Variants in THSD4 observed in about 807,000 individuals in gnomAD.
The protein encoded by THSD4 is thrombospondin type 1 domain containing 4.
In THSD4, 69 loss-of-function variants were observed where a neutral mutation model predicts 119.0. That is an observed-to-expected ratio of 0.58 (90% CI 0.48 to 0.71). The LOEUF (loss-of-function observed/expected upper bound fraction) is 0.71, where lower values mean the gene tolerates loss of function less well. THSD4 is among the 30% of genes least tolerant of loss of function. The pLI is 0.00. For missense variants in THSD4, 1,393 were observed against 1,391.1 expected (o/e 1.00, Z -0.02); for synonymous variants, 524 against 540.4 (o/e 0.97, Z 0.42).
At chr15:71,170,431 AAT>A (rs1260830993) in intron 3 of THSD4, among the ~76,000 whole-genome samples, 6 of 152,196 alleles carry the variant, frequency 3.9e-5, no homozygotes, top group Admixed American at 3.9e-4. Context: ...AAAAACTCAT[AAT>A]CCAGGAGGCA....
chr15:71,120,037 G>C (rs564633592), intron 1 of THSD4, among the ~76,000 whole-genome samples: 1 of 152,330 alleles, frequency 6.6e-6, no homozygotes, highest in Non-Finnish European at 1.5e-5. Context: ...CAGTGCTTGA[G>C]ACAATTGGAG....
intron 7 of THSD4, among the ~76,000 whole-genome samples, chr15:71,606,584 A>T (rs2050113887): frequency 6.6e-6 from 1 of 152,208 alleles, no homozygotes; most frequent in Non-Finnish European, 1.5e-5. Context: ...CTTGTTGCCC[A>T]GGCCAGAGTG....
chr15:71,240,595 G>A (rs936045645), intron 4 of THSD4, among the ~76,000 whole-genome samples: 2 of 152,040 alleles, frequency 1.3e-5, no homozygotes, highest in African/African-American at 2.4e-5. Context: ...TATTCCACAT[G>A]TCCATTTCTC....
At chr15:71,393,820 G>C (rs2046409257) in intron 6 of THSD4, among the ~76,000 whole-genome samples, 1 of 152,178 alleles carries the variant, frequency 6.6e-6, no homozygotes, top group South Asian at 2.1e-4. Context: ...GCCTTCCGGA[G>C]CCTCCTATTC....
At chr15:71,505,496 A>G (rs566524707) in intron 7 of THSD4, among the ~76,000 whole-genome samples, 2 of 152,388 alleles carry the variant, frequency 1.3e-5, no homozygotes, top group South Asian at 4.1e-4. Context: ...ATGGCAGCCA[A>G]AAGTAGACAG....
chr15:71,554,368 T>C (rs1018138618), intron 7 of THSD4, among the ~76,000 whole-genome samples: 2 of 151,874 alleles, frequency 1.3e-5, no homozygotes, highest in Admixed American at 6.6e-5. Flanking sequence ...GTGCTGAGAT[T>C]ACAGGCGTGA....
At chr15:71,344,783 G>A (rs150294528) in intron 6 of THSD4, among the ~76,000 whole-genome samples, 1 of 152,302 alleles carries the variant, frequency 6.6e-6, no homozygotes, top group African/African-American at 2.4e-5. Flanking sequence ...TTCCACGGAT[G>A]TACAAGGTCT....
In THSD4 at chr15:71,451,255, A is replaced by T. The variant is rs558147254; in HGVS notation, c.1152+39432A>T. On this transcript the variant is annotated intron_variant, in intron 7 of 17. Coordinates refer to ENST00000261862, the MANE Select transcript of THSD4 (RefSeq NM_024817.3). ...GGTGAGTCAGGGAACTGTATGGTGA[A>T]TAAAGTAACCTTGTTAGGCAGATAA... Among the ~76,000 whole-genome samples the T allele has an allele frequency of 1.1e-4, 16 of 152,342 alleles. No individual in the cohort carries two copies. The South Asian group carries it at 3.1e-3, about 30-fold the overall frequency.
intron 3 of THSD4, among the ~76,000 whole-genome samples, chr15:71,189,807 A>G (rs978160422): frequency 7.2e-5 from 11 of 152,124 alleles, no homozygotes; most frequent in Admixed American, 3.3e-4. Context: ...GTATGTATCC[A>G]TTGTTAAAAC....
At chr15:71,731,370 G>A in intron 10 of THSD4, 153 bp downstream of exon 10, 2 of 694,402 alleles carry the variant, frequency 2.9e-6, no homozygotes, top group Non-Finnish European at 5.0e-6. Flanking sequence ...TGACATTGGA[G>A]CAGGCTTCAC....
intron 8 of THSD4, among the ~76,000 whole-genome samples, chr15:71,721,579 A>T (rs1280946457): frequency 2.0e-5 from 3 of 152,074 alleles, no homozygotes; most frequent in Non-Finnish European, 4.4e-5. Context: ...CTGAGGCAAG[A>T]GAATCATTTG....
At chr15:71,317,999 G>C (rs909338463) in intron 6 of THSD4, among the ~76,000 whole-genome samples, 4 of 152,120 alleles carry the variant, frequency 2.6e-5, no homozygotes, top group African/African-American at 9.7e-5. Flanking sequence ...AGGAGGTGGT[G>C]GAGCTTAGAA....
At chr15:71,775,641 G>A (rs1379446344) in intron 17 of THSD4, among the ~76,000 whole-genome samples, 1 of 152,168 alleles carries the variant, frequency 6.6e-6, no homozygotes, top group Non-Finnish European at 1.5e-5. Context: ...GACCCGGGAG[G>A]CAGAGATTGC....
intron 4 of THSD4, among the ~76,000 whole-genome samples, chr15:71,226,589 A>G (rs1255722329): frequency 6.6e-6 from 1 of 152,186 alleles, no homozygotes; most frequent in Non-Finnish European, 1.5e-5. Flanking sequence ...TTCATCGGTA[A>G]TAACTTTGGA....
chr15:71,563,130 A>C (rs1199380719), intron 7 of THSD4, among the ~76,000 whole-genome samples: 1 of 152,100 alleles, frequency 6.6e-6, no homozygotes, highest in Non-Finnish European at 1.5e-5. Flanking sequence ...CTTATATCCC[A>C]CATCGTCCTA....
chr15:71,737,428 G>C (rs1186730318), intron 10 of THSD4, among the ~76,000 whole-genome samples: 1 of 152,184 alleles, frequency 6.6e-6, no homozygotes, highest in African/African-American at 2.4e-5. Context: ...ATGGAATTAT[G>C]AGTAAAGTTG....
intron 6 of THSD4, among the ~76,000 whole-genome samples, chr15:71,310,675 G>C (rs917364365): frequency 6.6e-6 from 1 of 152,160 alleles, no homozygotes; most frequent in Admixed American, 6.5e-5. Flanking sequence ...AACAAGGTAG[G>C]TCAGATAATT....
Position 71,152,430 on chromosome 15 carries a change from A to T in THSD4, c.30-2433A>T, listed in dbSNP as rs548360605. 3.2e-3 allele frequency among the ~76,000 whole-genome samples: 493 copies of T among 152,124 alleles called. 1 individual carries two copies. Among genetic ancestry groups the T allele is most frequent in the African/African-American group, 0.011 (439 of 41,472 alleles). ...GAACGAGACTCTGTCTCCAAAAAAA[A>T]AAAAATAAAAATCAACAAAAGGAAA... On this transcript the variant is annotated intron_variant, in intron 2 of 17. Transcript: ENST00000261862.
In THSD4 at chr15:71,457,489, C is replaced by G. The variant is rs75065382; in HGVS notation, c.1152+45666C>G. Among the ~76,000 whole-genome samples, 543 of 151,854 alleles carry G rather than the reference C, an allele frequency of 3.6e-3. 2 individuals carry two copies. The highest frequency in any genetic ancestry group is 0.012 in the African/African-American group (510 of 41,424). On this transcript the variant is annotated intron_variant, in intron 7 of 17. Transcript: ENST00000261862. ...TTCATCACCTGAAATGCCGTCCAGT[C>G]TCCTTGCTGTGGACAACAGGGTCCT...
Sources: gnomAD v4.1 joint callset for allele counts (sites outside exome capture counted in the v4.1 genomes callset) on GRCh38, gnomAD v4.1.1 for gene constraint, MANE v1.5 for transcripts, NCBI Gene and HGNC (gene_info 2026-07-23, HGNC 2026-07-21) for gene names.